PCDHA11: variants seen among roughly 807,000 people sequenced by gnomAD.
PCDHA11 encodes the protein protocadherin alpha 11.
In PCDHA11, 61 loss-of-function variants were observed where a neutral mutation model predicts 70.3. The observed-to-expected ratio is 0.87, with a 90% confidence interval of 0.71 to 1.07. The LOEUF (loss-of-function observed/expected upper bound fraction) is 1.07, where lower values mean the gene tolerates loss of function less well. PCDHA11 is among the 50% of genes least tolerant of loss of function. The probability of loss-of-function intolerance (pLI) is 0.00; values close to 1 mark genes in which losing one functional copy is unlikely to be tolerated. For synonymous variants in PCDHA11, 633 were observed against 555.1 expected, an observed-to-expected ratio of 1.14 and a Z score of -1.97; for missense variants, 1,324 against 1,237.5, an observed-to-expected ratio of 1.07 and a Z score of -1.05.
intron 1 of PCDHA11, among the ~76,000 whole-genome samples, chr5:140,941,304 C>T (rs1477431460): frequency 4.7e-5 from 4 of 84,830 alleles, no homozygotes; most frequent in African/African-American, 8.5e-5. Flanking sequence ...TTCTTTCTTT[C>T]TTTTTCTTCT....
intron 1 of PCDHA11, among the ~76,000 whole-genome samples, chr5:140,972,665 T>A (rs1554234345): frequency 6.7e-6 from 1 of 148,584 alleles, no homozygotes; most frequent in Non-Finnish European, 1.5e-5. Flanking sequence ...ACCAAATTTT[T>A]TTTTTTTTTT....
At chr5:140,967,702 C>T (rs1563368615) in intron 1 of PCDHA11, 3 of 1,614,162 alleles carry the variant, frequency 1.9e-6, no homozygotes, top group Middle Eastern at 3.3e-4. Flanking sequence ...GCATAGATGC[C>T]AGTACCGGGG....
At position 140,884,619 on chromosome 5, in the gene PCDHA11, A is replaced by C; in HGVS notation, c.2391+13125A>C. ...CTTCCTCCTTGTCTGGGTTCTGCAGAGGGAACAGGCCAGAGGGAGGAGGAC... is the reference window on the plus strand; with the variant it reads ...CTTCCTCCTTGTCTGGGTTCTGCAGCGGGAACAGGCCAGAGGGAGGAGGAC... On this transcript the variant is annotated intron_variant, in intron 1 of 3. Coordinates refer to ENST00000398640, the MANE Select transcript of PCDHA11 (RefSeq NM_018902.5). 3.7e-6 allele frequency: 6 copies of C among 1,614,074 alleles called. No homozygotes were observed. The highest frequency in any genetic ancestry group is 5.1e-6 in the Non-Finnish European group (6 of 1,179,956).
At chr5:140,953,514 AC>A (rs1209488542) in intron 1 of PCDHA11, among the ~76,000 whole-genome samples, 2 of 152,136 alleles carry the variant, frequency 1.3e-5, no homozygotes, top group Non-Finnish European at 2.9e-5. Flanking sequence ...GGCCAAAGCA[AC>A]AAAAACGGGA....
chr5:140,880,147 A>G (rs986031880), intron 1 of PCDHA11, among the ~76,000 whole-genome samples: 1 of 152,254 alleles, frequency 6.6e-6, no homozygotes, highest in African/African-American at 2.4e-5. Context: ...AAAGTGCAAT[A>G]TATCAAGTAT....
intron 1 of PCDHA11, among the ~76,000 whole-genome samples, chr5:140,920,841 T>TA (rs781921146): frequency 0.047 from 5,179 of 109,134 alleles, 120 homozygotes; most frequent in African/African-American, 0.092. Flanking sequence ...AGACCAAATC[T>TA]AAAAAAAAAA....
At position 140,967,010 on chromosome 5, in the gene PCDHA11, C is replaced by T. The variant is rs781936791; in HGVS notation, c.2392-11939C>T. 7 of 1,606,340 alleles carry T rather than the reference C, an allele frequency of 4.4e-6. No individual in the cohort carries two copies. In the South Asian group the frequency reaches 6.6e-5, roughly 15 times the overall value. On this transcript the variant is annotated intron_variant, in intron 1 of 3. Coordinates refer to ENST00000398640, the MANE Select transcript of PCDHA11 (RefSeq NM_018902.5). ...GCCGGGTTGCTTGCGCATCAACCAT[C>T]TGGGTGCGCCCAGTCCGCGCTACCT...
intron 1 of PCDHA11, among the ~76,000 whole-genome samples, chr5:140,954,919 C>T (rs246021): frequency 4.6e-5 from 7 of 151,890 alleles, no homozygotes; most frequent in African/African-American, 1.7e-4. Flanking sequence ...TTATGAATTA[C>T]GTCTTTAATT....
At chr5:140,928,000 G>T (rs2084855141) in intron 1 of PCDHA11, 1 of 1,614,166 alleles carries the variant, frequency 6.2e-7, no homozygotes, top group Non-Finnish European at 8.5e-7. Context: ...TGAAGACCTC[G>T]ATTCTAATGG....
chr5:140,883,702 T>C (rs367854871), intron 1 of PCDHA11: 80 of 1,613,632 alleles, frequency 5.0e-5, no homozygotes, highest in South Asian at 6.6e-5. Context: ...TCACGGTGTC[T>C]GCTCAGGACG....
chr5:140,884,260 G>A (rs781862611), intron 1 of PCDHA11: 19 of 1,613,410 alleles, frequency 1.2e-5, no homozygotes, highest in Non-Finnish European at 1.5e-5. Flanking sequence ...CCACGGCAAC[G>A]GTGCTGTTGT....
intron 1 of PCDHA11, chr5:140,927,588 A>G (rs914756357): frequency 1.9e-6 from 3 of 1,614,210 alleles, no homozygotes; most frequent in East Asian, 2.2e-5. Context: ...ACGCGCCTGT[A>G]TTTGAGCGCT....
At chr5:140,877,269 T>A in intron 1 of PCDHA11, 1 of 1,613,758 alleles carries the variant, frequency 6.2e-7, no homozygotes. Flanking sequence ...CGGTGGACGC[T>A]GACTCCGGCT....
intron 1 of PCDHA11, among the ~76,000 whole-genome samples, chr5:140,971,546 A>G (rs1236125448): frequency 6.6e-6 from 1 of 152,146 alleles, no homozygotes; most frequent in African/African-American, 2.4e-5. Context: ...TGCCAGATCA[A>G]CCTGTTAAAT....
chr5:140,970,286 C>A (rs2096395973), intron 1 of PCDHA11, among the ~76,000 whole-genome samples: 2 of 152,174 alleles, frequency 1.3e-5, no homozygotes, highest in Admixed American at 6.5e-5. Context: ...GTAGCCTTTT[C>A]AAGTCCTTCA....
intron 1 of PCDHA11, among the ~76,000 whole-genome samples, chr5:140,874,815 A>T (rs2055116009): frequency 6.6e-6 from 1 of 152,262 alleles, no homozygotes; most frequent in Non-Finnish European, 1.5e-5. Context: ...AAGACAATTT[A>T]TATAAATGAA....
At chr5:141,005,769 G>A (rs1421440870) in intron 3 of PCDHA11, among the ~76,000 whole-genome samples, 3 of 129,926 alleles carry the variant, frequency 2.3e-5, no homozygotes, top group Non-Finnish European at 4.9e-5. Context: ...AAGCAAACCA[G>A]ATGTGTAAAG....
At chr5:140,879,876 A>G (rs1326051828) in intron 1 of PCDHA11, among the ~76,000 whole-genome samples, 1 of 152,126 alleles carries the variant, frequency 6.6e-6, no homozygotes, top group Non-Finnish European at 1.5e-5. Flanking sequence ...TCATGGTCAC[A>G]TTGCCTCCTC....
intron 1 of PCDHA11, among the ~76,000 whole-genome samples, chr5:140,944,151 A>G (rs2093615419): frequency 6.6e-6 from 1 of 152,070 alleles, no homozygotes; most frequent in African/African-American, 2.4e-5. Flanking sequence ...GAAGAGTTGA[A>G]AATTAAAGGG....
Sources: gnomAD v4.1 joint callset for allele counts (sites outside exome capture counted in the v4.1 genomes callset) on GRCh38, gnomAD v4.1.1 for gene constraint, MANE v1.5 for transcripts, NCBI Gene and HGNC (gene_info 2026-07-23, HGNC 2026-07-21) for gene names.